SVIL: variants seen among roughly 807,000 people sequenced by gnomAD.
The protein encoded by SVIL is archvillin.
A neutral mutation model predicts 240.4 loss-of-function variants in SVIL; 101 were observed. The observed-to-expected ratio is 0.42, with a 90% confidence interval of 0.36 to 0.50. The LOEUF (loss-of-function observed/expected upper bound fraction) is 0.50. Ranked by LOEUF, SVIL falls within the 20% of genes least tolerant of loss-of-function variation. The probability of loss-of-function intolerance (pLI) is 0.01; values close to 1 mark genes in which losing one functional copy is unlikely to be tolerated. For synonymous variants in SVIL, 999 were observed against 1,100.0 expected, an observed-to-expected ratio of 0.91 and a Z score of 1.82; for missense variants, 2,512 against 2,818.7, an observed-to-expected ratio of 0.89 and a Z score of 2.46.
At chr10:29,535,113 C>G (rs1344545069) in intron 7 of SVIL, among the ~76,000 whole-genome samples, 1 of 152,018 alleles carries the variant, frequency 6.6e-6, no homozygotes, top group Non-Finnish European at 1.5e-5. Flanking sequence ...GATAAAAACT[C>G]CTATATATTT....
intron 7 of SVIL, among the ~76,000 whole-genome samples, chr10:29,533,963 A>G (rs1951564563): frequency 6.6e-6 from 1 of 152,204 alleles, no homozygotes; most frequent in Non-Finnish European, 1.5e-5. Flanking sequence ...TATGCTTTTT[A>G]TTTAGTTCAA....
rs1820626072 is a variant in SVIL at position 29,458,312 on chromosome 10, C to A, written c.6580G>T (p.Asp2194Tyr). 1.2e-6 allele frequency: 2 copies of A among 1,614,240 alleles called. No homozygotes were observed. The highest frequency in any genetic ancestry group is 2.7e-5 in the African/African-American group (2 of 75,060). ...DFEFALDMTR[D>Y]EYNALPAWKQ... ...CAGGCGGGCAGGGCGTTGTATTCATCCCTCGTCATGTCTAGTGCAAACTGG... is the reference window on the plus strand; with the variant it reads ...CAGGCGGGCAGGGCGTTGTATTCATACCTCGTCATGTCTAGTGCAAACTGG... The change falls in exon 38 of 38, where the codon GAT becomes TAT. Residue 2194 changes from aspartate to tyrosine, a missense_variant. Physicochemically the swap from Asp to Tyr is radical, Grantham distance 160. This residue lies in a region of SVIL where 797 missense variants were observed against 925.3 expected (regional missense o/e 0.86). Coordinates refer to ENST00000355867, the MANE Select transcript of SVIL (RefSeq NM_021738.3).
At chr10:29,646,393 G>C (rs1958659597) in intron 3 of SVIL, among the ~76,000 whole-genome samples, 1 of 152,098 alleles carries the variant, frequency 6.6e-6, no homozygotes, top group South Asian at 2.1e-4. Flanking sequence ...GATCTCCTGG[G>C]CTTGGCATCA....
Position 29,555,346 on chromosome 10 carries a change from G to GCACA in SVIL, c.-50-239_-50-238insTGTG, listed in dbSNP as rs1564633097. ...CACACACACACACACACACACACATGGACACACCCTAGGACGCATCATCCT... is the reference window on the plus strand; with the variant it reads ...CACACACACACACACACACACACATGCACAGACACACCCTAGGACGCATCATCCT... On this transcript the variant is annotated intron_variant, in intron 3 of 37. Transcript: ENST00000355867. Among the ~76,000 whole-genome samples, 300 of 94,076 alleles carry GCACA rather than the reference G, an allele frequency of 3.2e-3. 1 individual carries two copies. Among genetic ancestry groups the GCACA allele is most frequent in the South Asian group, 8.6e-3 (20 of 2,332 alleles). 61.7% of individuals were successfully genotyped at this position (94,076 alleles called of 152,430 possible). A position where few individuals can be genotyped will look rare whatever the true frequency, so the allele number is the denominator to read the frequency against.
At chr10:29,607,327 T>C (rs1274833877) in intron 1 of SVIL, among the ~76,000 whole-genome samples, 1 of 152,232 alleles carries the variant, frequency 6.6e-6, no homozygotes, top group Admixed American at 6.5e-5. Flanking sequence ...ATGCATTCAA[T>C]AACTGGCAGC....
Position 29,488,605 on chromosome 10 carries a change from A to C in SVIL, c.4344T>G (p.Ile1448Met). 6.3e-7 allele frequency: 1 copy of C among 1,593,544 alleles called. No individual in the cohort carries two copies. Among genetic ancestry groups the C allele is most frequent in the Non-Finnish European group, 8.5e-7 (1 of 1,172,842 alleles). ...VPYKRLMLLQ[I>M]KGRRHVQTRL... is the part of the protein sequence containing the mutation. ...TGCCAGGCTGCTCTGAAATACCTTT[A>C]ATCTGCAACAGCATCAGCCTCTTGT... is the stretch of plus-strand genomic sequence containing the variant. Residue 1448 changes from isoleucine (I) to methionine (M), a missense_variant, in exon 23 of 38, where the codon ATT (isoleucine) becomes ATG (methionine). Ile to Met is a conservative substitution (Grantham distance 10, BLOSUM62 1). This residue lies in a region of SVIL where 272 missense variants were observed against 406.8 expected (regional missense o/e 0.67). Coordinates refer to ENST00000355867, the MANE Select transcript of SVIL (RefSeq NM_021738.3).
At chr10:29,462,153 T>A (rs1944332511) in intron 36 of SVIL, 124 bp downstream of exon 36, 1 of 1,262,844 alleles carries the variant, frequency 7.9e-7, no homozygotes, top group Non-Finnish European at 1.1e-6. Flanking sequence ...TTTGTTAAGA[T>A]GTTGCAAAAG....
At position 29,522,432 on chromosome 10, in the gene SVIL, T is replaced by C. The variant is rs1438795755; in HGVS notation, c.3367A>G (p.Lys1123Glu). 5 of 1,614,218 alleles carry C rather than the reference T, an allele frequency of 3.1e-6. No individual in the cohort carries two copies. Among genetic ancestry groups the C allele is most frequent in the Admixed American group, 1.7e-5 (1 of 60,030 alleles). Residue 1123 changes from lysine (K) to glutamate (E), a missense_variant, in exon 16 of 38, where the codon AAA (lysine) becomes GAA (glutamate). Lys to Glu is a moderately conservative substitution (Grantham distance 56). Coordinates refer to ENST00000355867, the MANE Select transcript of SVIL (RefSeq NM_021738.3). ...TACCTTTCTTTAATAGACATGGTTT[T>C]GCTGGGTGAGTCAAGAAGGCCCTCC... ...TGEGLLDSPSKTMSIKERLAL... is the reference protein window; with the variant it reads ...TGEGLLDSPSETMSIKERLAL...
Position 29,526,982 on chromosome 10 carries a change from C to T in SVIL, c.2321G>A (p.Arg774Lys), listed in dbSNP as rs765406511. 6 of 1,609,048 alleles carry T rather than the reference C, an allele frequency of 3.7e-6. No homozygotes were observed. Among genetic ancestry groups the T allele is most frequent in the Middle Eastern group, 1.7e-4 (1 of 6,018 alleles). The change falls in exon 13 of 38, where the codon AGG becomes AAG. Residue 774 changes from arginine (R) to lysine (K), a missense_variant. By Grantham distance (26) the Arg-to-Lys change is conservative. Coordinates refer to ENST00000355867, the MANE Select transcript of SVIL (RefSeq NM_021738.3). ...GTACCTGGCAGGCTGCACAGCGCTCCTAGCTACAGTGGGGCTAGGAAGTCT... is the reference window on the plus strand; with the variant it reads ...GTACCTGGCAGGCTGCACAGCGCTCTTAGCTACAGTGGGGCTAGGAAGTCT... ...MARLPSPTVA[R>K]SAVQPARLQA...
Position 29,571,323 on chromosome 10 carries a change from A to C in SVIL, c.-200-2011T>G, listed in dbSNP as rs372490191. On this transcript the variant is annotated intron_variant, in intron 1 of 37. Transcript: ENST00000355867. ...GTAGATGACCAAGGCAAAGCCATGGAGCATCCCAGCATTTGCTCTGGTTAA... is the reference window on the plus strand; with the variant it reads ...GTAGATGACCAAGGCAAAGCCATGGCGCATCCCAGCATTTGCTCTGGTTAA... Among the ~76,000 whole-genome samples the C allele has an allele frequency of 3.6e-3, 554 of 152,326 alleles. 1 individual carries two copies. The highest frequency in any genetic ancestry group is 0.013 in the African/African-American group (530 of 41,576).
At chr10:29,601,095 C>T (rs528537567) in intron 1 of SVIL, among the ~76,000 whole-genome samples, 2 of 152,230 alleles carry the variant, frequency 1.3e-5, no homozygotes, top group East Asian at 3.9e-4. Context: ...TGGTTTTCAT[C>T]CTATCTCAGA....
At chr10:29,651,787 A>G (rs1257697192) in intron 3 of SVIL, among the ~76,000 whole-genome samples, 1 of 152,180 alleles carries the variant, frequency 6.6e-6, no homozygotes, top group Non-Finnish European at 1.5e-5. Context: ...CAAACTTAAT[A>G]TGTCCACAAT....
intron 1 of SVIL, among the ~76,000 whole-genome samples, chr10:29,687,838 AT>A (rs1256040033): frequency 1.3e-5 from 2 of 152,154 alleles, no homozygotes; most frequent in Non-Finnish European, 2.9e-5. Flanking sequence ...TTTCCCCTGG[AT>A]TATGCCCTTA....
intron 1 of SVIL, among the ~76,000 whole-genome samples, chr10:29,704,942 T>G (rs953704592): frequency 6.6e-6 from 1 of 152,204 alleles, no homozygotes; most frequent in African/African-American, 2.4e-5. Context: ...AAATTACTTC[T>G]CGCTTATGTA....
At position 29,484,486 on chromosome 10, in the gene SVIL, ATAAAAGT is replaced by A. The variant is rs1039916191; in HGVS notation, c.4955+163_4955+169del. ...ACATCCATATTTCTGCAATAGTTAG[ATAAAAGT>A]TAAAGAACTGTTCCTTTTGTGAATA... On this transcript the variant is annotated intron_variant, in intron 27 of 37. Transcript: ENST00000355867. The surrounding 1 kb of genome is among the most constrained non-coding windows in gnomAD (Gnocchi z 4.7). 6.6e-6 allele frequency among the ~76,000 whole-genome samples: 1 copy of A among 152,210 alleles called. No individual in the cohort carries two copies. Among genetic ancestry groups the A allele is most frequent in the Non-Finnish European group, 1.5e-5 (1 of 68,038 alleles).
At chr10:29,577,110 ACCTCATGATCCACCTG>A (rs1368618523) in intron 1 of SVIL, among the ~76,000 whole-genome samples, 1 of 152,042 alleles carries the variant, frequency 6.6e-6, no homozygotes, top group Non-Finnish European at 1.5e-5. Flanking sequence ...CGATCTCCTG[ACCTCATGATCCACCTG>A]CCTCGGTTTC....
chr10:29,525,901 C>T (rs1480750510), intron 13 of SVIL, among the ~76,000 whole-genome samples: 1 of 152,204 alleles, frequency 6.6e-6, no homozygotes, highest in Non-Finnish European at 1.5e-5. Context: ...TCAGAGTCCT[C>T]CGTGGACCTC....
chr10:29,458,421 A>C lies in SVIL; in HGVS notation c.6558+13T>G. 1 of 1,593,596 alleles carries C rather than the reference A, an allele frequency of 6.3e-7. No homozygotes were observed. The highest frequency in any genetic ancestry group is 8.6e-7 in the Non-Finnish European group (1 of 1,168,054). On this transcript the variant is annotated intron_variant, in intron 37 of 37. Coordinates refer to ENST00000355867, the MANE Select transcript of SVIL (RefSeq NM_021738.3). ...TTTACTCCCATCCCCACCCCACCGG[A>C]AGAACCGCTTACCTCGAAGTCTTCG...
intron 3 of SVIL, among the ~76,000 whole-genome samples, chr10:29,655,880 T>TTTG (rs1229516204): frequency 3.4e-4 from 52 of 151,618 alleles, no homozygotes; most frequent in African/African-American, 1.1e-3. Flanking sequence ...GTGGGTTTTT[T>TTTG]TTTTTTTTTT....
Sources: allele counts gnomAD v4.1 joint callset (sites outside exome capture counted in the v4.1 genomes callset), GRCh38; gene constraint gnomAD v4.1.1; regional missense constraint gnomAD v4.1.1; non-coding constraint Gnocchi (gnomAD v3.1); transcripts MANE v1.5; gene names NCBI Gene and HGNC (gene_info 2026-07-23, HGNC 2026-07-21).